MYO3B: variants seen among roughly 807,000 people sequenced by gnomAD.
MYO3B encodes the protein myosin-IIIb.
In MYO3B, 156 loss-of-function variants were observed where a neutral mutation model predicts 174.6. The observed-to-expected ratio is 0.89, with a 90% CI of 0.78 to 1.02. MYO3B has a LOEUF of 1.02. MYO3B is among the 50% of genes least tolerant of loss of function. The pLI, the probability that MYO3B is intolerant of heterozygous loss-of-function variation, is 0.00. For synonymous variants in MYO3B, 563 were observed against 569.1 expected (o/e 0.99, Z 0.15); for missense variants, 1,632 against 1,639.4 (o/e 1.00, Z 0.08).
intron 22 of MYO3B, among the ~76,000 whole-genome samples, chr2:170,435,990 G>A (rs1456412797): frequency 1.3e-5 from 2 of 152,188 alleles, no homozygotes; most frequent in African/African-American, 4.8e-5. Context: ...GCGGAAAATT[G>A]CCGTCTTTTA....
intron 13 of MYO3B, 126 bp from the exon 14 acceptor site, chr2:170,386,980 C>T (rs1245842908): frequency 9.1e-5 from 73 of 798,466 alleles, no homozygotes; most frequent in Non-Finnish European, 1.4e-4. Flanking sequence ...TTGATGCTAA[C>T]GTCCCCCAAA....
At chr2:170,213,011 T>C (rs759620307) in intron 3 of MYO3B, among the ~76,000 whole-genome samples, 1 of 152,224 alleles carries the variant, frequency 6.6e-6, no homozygotes, top group Non-Finnish European at 1.5e-5. Context: ...GCAAGATGCA[T>C]ATACAGCATG....
chr2:170,505,063 C>T (rs570776027), intron 28 of MYO3B, among the ~76,000 whole-genome samples: 1 of 152,178 alleles, frequency 6.6e-6, no homozygotes, highest in South Asian at 2.1e-4. Flanking sequence ...AACAGTTCAC[C>T]AGCCAGTAAT....
chr2:170,440,698 A>T (rs1053025272), intron 22 of MYO3B, among the ~76,000 whole-genome samples: 5 of 147,666 alleles, frequency 3.4e-5, no homozygotes, highest in African/African-American at 5.0e-5. Context: ...GGTTGCAGTG[A>T]GCTGAGATCA....
chr2:170,246,529 G>GAC (rs58936698), intron 7 of MYO3B, among the ~76,000 whole-genome samples: 59,203 of 140,082 alleles, frequency 0.42, 13,230 homozygotes, highest in East Asian at 0.6. Context: ...TTTGGACATG[G>GAC]ACACACACAC....
At chr2:170,463,539 G>T in intron 24 of MYO3B, 94 bp downstream of exon 24, 1 of 1,083,798 alleles carries the variant, frequency 9.2e-7, no homozygotes, top group South Asian at 1.5e-5. Flanking sequence ...GTGAAACAAG[G>T]GCAAAGCACA....
chr2:170,611,128 C>T (rs924890970), intron 32 of MYO3B, among the ~76,000 whole-genome samples: 1 of 152,142 alleles, frequency 6.6e-6, no homozygotes, highest in African/African-American at 2.4e-5. Context: ...GGACTACAAA[C>T]AAACCATGTT....
intron 7 of MYO3B, 77 bp downstream of exon 7, chr2:170,236,213 C>A: frequency 5.2e-6 from 8 of 1,524,000 alleles, no homozygotes; most frequent in Admixed American, 1.8e-5. Flanking sequence ...AAATAGTTTG[C>A]AAGCAATTTC....
intron 7 of MYO3B, among the ~76,000 whole-genome samples, chr2:170,294,101 T>C (rs1467030652): frequency 6.6e-6 from 1 of 152,186 alleles, no homozygotes; most frequent in Non-Finnish European, 1.5e-5. Context: ...TTTATCTGTT[T>C]CGTCTTACCT....
At chr2:170,490,153 C>G (rs563855959) in intron 25 of MYO3B, among the ~76,000 whole-genome samples, 3 of 151,718 alleles carry the variant, frequency 2.0e-5, no homozygotes, top group African/African-American at 7.3e-5. Flanking sequence ...CTCAGCCTCC[C>G]GAGTAGCTGG....
chr2:170,510,521 A>C (rs1461147222), intron 28 of MYO3B, among the ~76,000 whole-genome samples: 1 of 152,198 alleles, frequency 6.6e-6, no homozygotes, highest in African/African-American at 2.4e-5. Flanking sequence ...TTGACTAGTG[A>C]TATCCCAAAA....
At chr2:170,522,141 A>G (rs1305820748) in intron 30 of MYO3B, among the ~76,000 whole-genome samples, 1 of 151,766 alleles carries the variant, frequency 6.6e-6, no homozygotes, top group Admixed American at 6.6e-5. Context: ...TCTCCTTCTC[A>G]CCCTGGATGA....
At chr2:170,547,894 G>C (rs533446963) in intron 32 of MYO3B, among the ~76,000 whole-genome samples, 7 of 152,064 alleles carry the variant, frequency 4.6e-5, no homozygotes, top group Admixed American at 2.6e-4. Context: ...TGGCCCAGGC[G>C]TAGAGGGTGA....
intron 9 of MYO3B, 126 bp downstream of exon 9, chr2:170,369,503 C>A: frequency 9.1e-7 from 1 of 1,097,880 alleles, no homozygotes; most frequent in Non-Finnish European, 1.3e-6. Context: ...GTTTTATTTA[C>A]ATGACATTAA....
At chr2:170,377,873 A>G (rs1189834470) in intron 9 of MYO3B, among the ~76,000 whole-genome samples, 1 of 152,146 alleles carries the variant, frequency 6.6e-6, no homozygotes, top group Non-Finnish European at 1.5e-5. Context: ...TCATTTATCT[A>G]TGTCTCCATT....
At chr2:170,314,175 A>G (rs906202494) in intron 7 of MYO3B, among the ~76,000 whole-genome samples, 3 of 152,130 alleles carry the variant, frequency 2.0e-5, no homozygotes, top group Non-Finnish European at 4.4e-5. Context: ...ACTGTGGCCA[A>G]ATTCTGCCAA....
chr2:170,460,165 CGGGCTGCTAGCAT>C (rs537846122), intron 23 of MYO3B, among the ~76,000 whole-genome samples: 225 of 152,158 alleles, frequency 1.5e-3, no homozygotes, highest in African/African-American at 4.9e-3. Context: ...GCTGCTAGCA[CGGGCTGCTAGCAT>C]GTTGTCACCT....
At chr2:170,563,029 CAT>C (rs1377472679) in intron 32 of MYO3B, among the ~76,000 whole-genome samples, 529 of 114,358 alleles carry the variant, frequency 4.6e-3, no homozygotes, top group African/African-American at 0.017. Flanking sequence ...GTAAAACATG[CAT>C]ACACACACAC....
At position 170,587,017 on chromosome 2, in the gene MYO3B, C is replaced by G. The variant is rs569017705; in HGVS notation, c.3733+43029C>G. On this transcript the variant is annotated intron_variant, in intron 32 of 34. Transcript: ENST00000408978. Reference sequence around the variant, plus strand: ...TAATGAATGAATATGTTGGTTTTCTCTCTTGCCAAGTCTACCCAATGCCAA... The same window carrying G: ...TAATGAATGAATATGTTGGTTTTCTGTCTTGCCAAGTCTACCCAATGCCAA... 1.2e-4 allele frequency among the ~76,000 whole-genome samples: 19 copies of G among 152,310 alleles called. No individual in the cohort carries two copies. The South Asian group carries it at 3.9e-3, about 32-fold the overall frequency.
Sources: allele counts gnomAD v4.1 joint callset (sites outside exome capture counted in the v4.1 genomes callset), GRCh38; gene constraint gnomAD v4.1.1; transcripts MANE v1.5; gene names NCBI Gene and HGNC (gene_info 2026-07-23, HGNC 2026-07-21).